The following ITGBL1 variants were observed in gnomAD, a reference collection of about 807,000 sequenced individuals.
ITGBL1 encodes integrin beta-like protein 1.
ITGBL1 carries 51 observed loss-of-function variants against 68.5 expected under a neutral mutation model. The ratio of observed to expected loss-of-function variants is 0.74; its 90% CI spans 0.59 to 0.94. ITGBL1 has a LOEUF of 0.94. Ranked by LOEUF, ITGBL1 falls within the 40% of genes least tolerant of loss-of-function variation. The probability of loss-of-function intolerance (pLI) is 0.00; values close to 1 mark genes in which losing one functional copy is unlikely to be tolerated. For synonymous variants in ITGBL1, 209 were observed against 227.3 expected (o/e 0.92, Z 0.72); for missense variants, 649 against 647.4 (o/e 1.00, Z -0.03).
chr13:101,509,070 C>T (rs903265699), intron 2 of ITGBL1, among the ~76,000 whole-genome samples: 10 of 152,038 alleles, frequency 6.6e-5, no homozygotes, highest in South Asian at 2.1e-4. Context: ...TACCCAAGAC[C>T]GGGCAATTTA....
intron 2 of ITGBL1, among the ~76,000 whole-genome samples, chr13:101,455,296 T>C (rs544650609): frequency 5.8e-4 from 89 of 152,306 alleles, no homozygotes; most frequent in African/African-American, 1.9e-3. Flanking sequence ...CAAAAAATAG[T>C]CATAGAAGAA....
chr13:101,589,623 T>C (rs2050616689), intron 6 of ITGBL1, among the ~76,000 whole-genome samples: 1 of 152,216 alleles, frequency 6.6e-6, no homozygotes, highest in South Asian at 2.1e-4. Flanking sequence ...ACTTTCCTGT[T>C]TAGGGCTAAG....
intron 8 of ITGBL1, among the ~76,000 whole-genome samples, chr13:101,699,059 C>T (rs1001071442): frequency 8.5e-5 from 13 of 152,226 alleles, no homozygotes; most frequent in African/African-American, 3.1e-4. Context: ...TCAGTGACTC[C>T]CAGGCACTGA....
At chr13:101,578,134 A>G (rs1376093107) in intron 4 of ITGBL1, among the ~76,000 whole-genome samples, 1 of 152,186 alleles carries the variant, frequency 6.6e-6, no homozygotes, top group Non-Finnish European at 1.5e-5. Context: ...TGAATAGCGT[A>G]GGATACCAGA....
At chr13:101,681,365 C>T (rs1266076189) in intron 7 of ITGBL1, among the ~76,000 whole-genome samples, 1 of 152,142 alleles carries the variant, frequency 6.6e-6, no homozygotes. Context: ...ACTAGCAGTT[C>T]AAGTCCAGGC....
intron 4 of ITGBL1, among the ~76,000 whole-genome samples, chr13:101,577,915 AT>A (rs1201611826): frequency 3.3e-5 from 5 of 152,316 alleles, no homozygotes; most frequent in African/African-American, 1.2e-4. Flanking sequence ...CAAATTTAAA[AT>A]TCAAATTCAT....
chr13:101,604,887 T>TATATATATATACACACACACACAC, intron 7 of ITGBL1, among the ~76,000 whole-genome samples: 1 of 22,162 alleles, frequency 4.5e-5, no homozygotes, highest in Non-Finnish European at 8.2e-5. Flanking sequence ...TATATATATA[T>TATATATATATACACACACACACAC]ACACACACAC....
At chr13:101,637,529 G>C (rs1026930367) in intron 7 of ITGBL1, among the ~76,000 whole-genome samples, 1 of 151,986 alleles carries the variant, frequency 6.6e-6, no homozygotes, top group Non-Finnish European at 1.5e-5. Context: ...ATTTTTAGTA[G>C]AGATGGGGTT....
At chr13:101,686,364 T>G (rs1265424856) in intron 7 of ITGBL1, among the ~76,000 whole-genome samples, 2 of 152,166 alleles carry the variant, frequency 1.3e-5, no homozygotes, top group South Asian at 2.1e-4. Flanking sequence ...GTATTTTTCA[T>G]GGATTATGCT....
chr13:101,598,452 TATTTTA>T (rs1389133721), intron 7 of ITGBL1, among the ~76,000 whole-genome samples, 153 bp downstream of exon 7: 1 of 152,184 alleles, frequency 6.6e-6, no homozygotes, highest in African/African-American at 2.4e-5. Context: ...TTTATTATTA[TATTTTA>T]AGTTTTAGTG....
chr13:101,535,850 G>A (rs2049565518), intron 2 of ITGBL1, among the ~76,000 whole-genome samples: 1 of 152,080 alleles, frequency 6.6e-6, no homozygotes, highest in Non-Finnish European at 1.5e-5. Flanking sequence ...AAGTCCAAGT[G>A]AAAAGTTCTC....
At chr13:101,714,886 A>G (rs543182204) in intron 10 of ITGBL1, 6 of 267,454 alleles carry the variant, frequency 2.2e-5, no homozygotes, top group Non-Finnish European at 4.3e-5. Context: ...TGAACATGGT[A>G]TAGGGAATGA....
intron 2 of ITGBL1, among the ~76,000 whole-genome samples, chr13:101,562,395 G>C (rs986422810): frequency 6.6e-6 from 1 of 151,954 alleles, no homozygotes; most frequent in Non-Finnish European, 1.5e-5. Flanking sequence ...AAAAGATAGA[G>C]ATTGTCAGAT....
chr13:101,697,537 G>T (rs2034030342), intron 8 of ITGBL1, among the ~76,000 whole-genome samples: 1 of 152,148 alleles, frequency 6.6e-6, no homozygotes, highest in Non-Finnish European at 1.5e-5. Context: ...AATTAAGTGA[G>T]GCAGTGCCAT....
chr13:101,582,715 A>T (rs1365469939), intron 5 of ITGBL1, among the ~76,000 whole-genome samples: 1 of 152,026 alleles, frequency 6.6e-6, no homozygotes, highest in Non-Finnish European at 1.5e-5. Flanking sequence ...TTCTACCTCC[A>T]ATGTCTCCTA....
chr13:101,471,469 C>CACA (rs992527109), intron 2 of ITGBL1, among the ~76,000 whole-genome samples: 2 of 151,836 alleles, frequency 1.3e-5, no homozygotes, highest in Non-Finnish European at 2.9e-5. Flanking sequence ...TACAGACCAC[C>CACA]ACAACATTTA....
chr13:101,544,923 T>C (rs931935713), intron 2 of ITGBL1, among the ~76,000 whole-genome samples: 2 of 152,198 alleles, frequency 1.3e-5, no homozygotes, highest in East Asian at 1.9e-4. Context: ...TTAGGAAAAG[T>C]GACCCGATTT....
chr13:101,452,778 C>A lies in ITGBL1; in HGVS notation c.-56C>A. The A allele has an allele frequency of 6.9e-7, 1 of 1,454,004 alleles. No individual in the cohort carries two copies. Among genetic ancestry groups the A allele is most frequent in the Non-Finnish European group, 9.7e-7 (1 of 1,035,656 alleles). The allele number at this position is 1,454,004 out of a possible 1,614,324, so 90.1% of individuals were successfully genotyped here. A position where few individuals can be genotyped will look rare whatever the true frequency, so the allele number is the denominator to read the frequency against. On this transcript the variant is annotated 5_prime_UTR_variant, in exon 1 of 11. Coordinates refer to ENST00000376180, the MANE Select transcript of ITGBL1 (RefSeq NM_004791.3). Reference sequence around the variant, plus strand: ...CACCTCTCCCTCCTGCCGCCTCCCTCGGTGAACCCCACCTTGCAGAAGTGC... The same window carrying A: ...CACCTCTCCCTCCTGCCGCCTCCCTAGGTGAACCCCACCTTGCAGAAGTGC...
At chr13:101,628,437 CTT>C (rs986031242) in intron 7 of ITGBL1, among the ~76,000 whole-genome samples, 2 of 139,570 alleles carry the variant, frequency 1.4e-5, no homozygotes, top group African/African-American at 2.6e-5. Context: ...TTTTCTTTTT[CTT>C]TTTTTTTTTT....
Sources: allele counts gnomAD v4.1 joint callset (sites outside exome capture counted in the v4.1 genomes callset), GRCh38; gene constraint gnomAD v4.1.1; transcripts MANE v1.5; gene names NCBI Gene and HGNC (gene_info 2026-07-23, HGNC 2026-07-21).